The following INPP4B variants were observed in gnomAD, a reference collection of about 807,000 sequenced individuals.
INPP4B encodes inositol polyphosphate-4-phosphatase type II B.
In INPP4B, 55 loss-of-function variants were observed where a neutral mutation model predicts 122.5. The ratio of observed to expected loss-of-function variants is 0.45; its 90% CI spans 0.36 to 0.56. The LOEUF (loss-of-function observed/expected upper bound fraction) is 0.56. Among genes scored for constraint, INPP4B ranks in the 20% least tolerant of loss-of-function variants. INPP4B has a pLI of 0.00. For synonymous variants in INPP4B, 403 were observed against 388.7 expected, an observed-to-expected ratio of 1.04 and a Z score of -0.43; for missense variants, 1,000 against 1,097.7, an observed-to-expected ratio of 0.91 and a Z score of 1.26.
chr4:142,380,050 T>C (rs1579901400), intron 7 of INPP4B, among the ~76,000 whole-genome samples: 1 of 152,332 alleles, frequency 6.6e-6, no homozygotes, highest in East Asian at 1.9e-4. Flanking sequence ...AAATAAACTC[T>C]AAGTTCAGGG....
chr4:142,190,647 A>C (rs1835365254), intron 15 of INPP4B, among the ~76,000 whole-genome samples: 1 of 152,082 alleles, frequency 6.6e-6, no homozygotes, highest in Non-Finnish European at 1.5e-5. Context: ...GAAAAATTTA[A>C]AGCAATCAGT....
intron 1 of INPP4B, among the ~76,000 whole-genome samples, chr4:142,836,946 A>G (rs560517973): frequency 2.0e-5 from 3 of 151,824 alleles, no homozygotes; most frequent in Non-Finnish European, 4.4e-5. Flanking sequence ...CGGGTGGATC[A>G]CTTGAGGTCA....
At chr4:142,240,432 A>G (rs2150010418) in intron 11 of INPP4B, among the ~76,000 whole-genome samples, 1 of 152,268 alleles carries the variant, frequency 6.6e-6, no homozygotes, top group Non-Finnish European at 1.5e-5. Context: ...GGTTTGATTA[A>G]TGAACACCAG....
At position 142,260,629 on chromosome 4, in the gene INPP4B, T is replaced by C. The variant is rs182281549; in HGVS notation, c.616-65A>G. On this transcript the variant is annotated intron_variant, in intron 10 of 25. Coordinates refer to ENST00000262992, the MANE Select transcript of INPP4B (RefSeq NM_001101669.3). Reference sequence around the variant, plus strand: ...CAATCAAAATAAGGAATGATATTATTTTATTTGCAAAACATAAGGCTATGT... The same window carrying C: ...CAATCAAAATAAGGAATGATATTATCTTATTTGCAAAACATAAGGCTATGT... 1.4e-5 allele frequency: 16 copies of C among 1,116,512 alleles called. No homozygotes were observed. In the East Asian group the frequency reaches 3.5e-4, roughly 25 times the overall value. The allele number at this position is 1,116,512 out of a possible 1,614,324, so 69.2% of individuals were successfully genotyped here.
Position 142,623,359 on chromosome 4 carries a change from C to A in INPP4B, c.-191+102480G>T, listed in dbSNP as rs1255823158. The stretch of plus-strand genomic sequence containing the variant: ...TTCCTGGCTTGGTGAACCCTTAGCA[C>A]CATGCCCCAGAAAGTCCCCACCACA... On this transcript the variant is annotated intron_variant, in intron 2 of 25. Coordinates refer to ENST00000262992, the MANE Select transcript of INPP4B (RefSeq NM_001101669.3). 2.0e-5 allele frequency among the ~76,000 whole-genome samples: 3 copies of A among 151,892 alleles called. No individual in the cohort carries two copies. In the East Asian group the frequency reaches 5.8e-4, roughly 30 times the overall value.
chr4:142,284,424 G>T (rs1752588333), intron 9 of INPP4B, among the ~76,000 whole-genome samples: 1 of 152,082 alleles, frequency 6.6e-6, no homozygotes, highest in East Asian at 1.9e-4. Context: ...GGGAGTTTTT[G>T]TATAATAACA....
At chr4:142,651,276 T>C (rs1305613840) in intron 2 of INPP4B, among the ~76,000 whole-genome samples, 2 of 152,156 alleles carry the variant, frequency 1.3e-5, no homozygotes, top group Middle Eastern at 3.4e-3. Context: ...GAAGGAAAGA[T>C]CTAAAATTGA....
chr4:142,457,407 T>C (rs1190998208), intron 3 of INPP4B, among the ~76,000 whole-genome samples: 2 of 152,168 alleles, frequency 1.3e-5, no homozygotes, highest in Non-Finnish European at 2.9e-5. Context: ...CAATATGGAA[T>C]ATTTAATGAC....
chr4:142,728,446 C>T (rs1183447772), intron 1 of INPP4B, among the ~76,000 whole-genome samples: 1 of 152,108 alleles, frequency 6.6e-6, no homozygotes, highest in African/African-American at 2.4e-5. Flanking sequence ...TGAAGTCCTA[C>T]CCTGAATATG....
intron 25 of INPP4B, among the ~76,000 whole-genome samples, chr4:142,038,046 A>G (rs1306391730): frequency 6.6e-6 from 1 of 152,166 alleles, no homozygotes; most frequent in Non-Finnish European, 1.5e-5. Flanking sequence ...GGAAATGGAG[A>G]AGGATTTTCA....
chr4:142,451,006 T>C (rs1172771404), intron 3 of INPP4B, among the ~76,000 whole-genome samples: 1 of 150,078 alleles, frequency 6.7e-6, no homozygotes, highest in Non-Finnish European at 1.5e-5. Context: ...AACCTATCAA[T>C]GTAGCATTTA....
intron 7 of INPP4B, among the ~76,000 whole-genome samples, chr4:142,337,812 T>C (rs539463400): frequency 9.0e-4 from 133 of 147,058 alleles, no homozygotes; most frequent in Non-Finnish European, 1.7e-3. Context: ...TCTTAGTTCT[T>C]TGCAATTTAT....
At chr4:142,201,035 C>G (rs1840404214) in intron 14 of INPP4B, among the ~76,000 whole-genome samples, 1 of 152,040 alleles carries the variant, frequency 6.6e-6, no homozygotes, top group African/African-American at 2.4e-5. Flanking sequence ...AAGCTTGAAT[C>G]TTTGTGTGCA....
chr4:142,614,402 T>C (rs1190743180), intron 2 of INPP4B, among the ~76,000 whole-genome samples: 2 of 152,004 alleles, frequency 1.3e-5, no homozygotes, highest in Non-Finnish European at 2.9e-5. Flanking sequence ...TAAAGATAGA[T>C]TAAAAACCTA....
intron 2 of INPP4B, among the ~76,000 whole-genome samples, chr4:142,699,160 G>A (rs548212295): frequency 4.6e-5 from 7 of 152,286 alleles, no homozygotes; most frequent in African/African-American, 1.4e-4. Context: ...CTATCACAGT[G>A]AGTGATTAAA....
chr4:142,068,903 G>C (rs1237795341), intron 25 of INPP4B, among the ~76,000 whole-genome samples: 1 of 152,162 alleles, frequency 6.6e-6, no homozygotes, highest in Non-Finnish European at 1.5e-5. Flanking sequence ...ACACCCCACT[G>C]TCAACATTAG....
At chr4:142,076,374 A>G (rs1045409876) in intron 25 of INPP4B, among the ~76,000 whole-genome samples, 11 of 152,172 alleles carry the variant, frequency 7.2e-5, no homozygotes, top group African/African-American at 2.2e-4. Flanking sequence ...TTGCTCTAAC[A>G]TGATTTCTAA....
At chr4:142,290,905 G>T (rs897901965) in intron 9 of INPP4B, among the ~76,000 whole-genome samples, 2 of 152,112 alleles carry the variant, frequency 1.3e-5, no homozygotes, top group Non-Finnish European at 2.9e-5. Context: ...ATGAGGATAG[G>T]AATGATGACC....
chr4:142,068,250 G>A (rs1431002127), intron 25 of INPP4B, among the ~76,000 whole-genome samples: 1 of 152,134 alleles, frequency 6.6e-6, no homozygotes, highest in Non-Finnish European at 1.5e-5. Context: ...AAGTGAAGGA[G>A]AAATAAAATA....
Sources: gnomAD v4.1 joint callset for allele counts (sites outside exome capture counted in the v4.1 genomes callset) on GRCh38, gnomAD v4.1.1 for gene constraint, MANE v1.5 for transcripts, NCBI Gene and HGNC (gene_info 2026-07-23, HGNC 2026-07-21) for gene names.